The following LAMA2 variants were observed in gnomAD, a reference collection of about 807,000 sequenced individuals.
LAMA2 encodes the protein laminin subunit alpha-2.
A neutral mutation model predicts 364.8 loss-of-function variants in LAMA2; 269 were observed. That is an observed-to-expected ratio of 0.74 (90% confidence interval 0.67 to 0.82). The LOEUF is 0.82. Among genes scored for constraint, LAMA2 ranks in the 40% least tolerant of loss-of-function variants. LAMA2 has a pLI of 0.00. For missense variants in LAMA2, 3,807 were observed against 3,873.2 expected, an observed-to-expected ratio of 0.98 and a Z score of 0.45; for synonymous variants, 1,379 against 1,370.6, an observed-to-expected ratio of 1.01 and a Z score of -0.14.
chr6:129,314,950 C>A, intron 24 of LAMA2, 152 bp downstream of exon 24: 1 of 760,706 alleles, frequency 1.3e-6, no homozygotes, highest in East Asian at 2.6e-5. Flanking sequence ...GGTCACGTGC[C>A]ATTAGAGAGT....
chr6:129,285,522 C>T (rs933965715), intron 18 of LAMA2, among the ~76,000 whole-genome samples: 9 of 152,076 alleles, frequency 5.9e-5, no homozygotes, highest in Non-Finnish European at 1.3e-4. Flanking sequence ...TTATATAAAG[C>T]TATCTCTCCA....
At position 129,098,205 on chromosome 6, in the gene LAMA2, A is replaced by G. The variant is rs766584334; in HGVS notation, c.429A>G (p.Ala143=). ...AGATCGCGTATGTGATTGTGAAGGC[A>G]GCTAACTCCCCCCGGCCTGGAAACT... ...VFQIAYVIVK[A]ANSPRPGNWI... The change falls in exon 4 of 65, where the codon GCA becomes GCG. Residue 143 remains alanine, a synonymous_variant. Coordinates refer to ENST00000421865, the MANE Select transcript of LAMA2 (RefSeq NM_000426.4). The G allele has an allele frequency of 6.2e-6, 10 of 1,614,130 alleles. No individual in the cohort carries two copies. The highest frequency in any genetic ancestry group is 8.5e-6 in the Non-Finnish European group (10 of 1,179,996).
chr6:129,402,629 A>G, intron 39 of LAMA2, 142 bp downstream of exon 39: 1 of 830,386 alleles, frequency 1.2e-6, no homozygotes, highest in Non-Finnish European at 2.0e-6. Flanking sequence ...TTCTGTGGAT[A>G]GGCTTAATTA....
chr6:129,510,310 C>A (rs1428258566), intron 62 of LAMA2, among the ~76,000 whole-genome samples: 1 of 152,132 alleles, frequency 6.6e-6, no homozygotes, highest in Non-Finnish European at 1.5e-5. Flanking sequence ...TTTCTATATG[C>A]CAACAGCAAA....
At chr6:129,495,455 G>A (rs1365894360) in intron 58 of LAMA2, among the ~76,000 whole-genome samples, 1 of 152,146 alleles carries the variant, frequency 6.6e-6, no homozygotes, top group Non-Finnish European at 1.5e-5. Context: ...GGGACAGTGT[G>A]ACCCCTCCCT....
intron 10 of LAMA2, among the ~76,000 whole-genome samples, chr6:129,180,952 G>C (rs1780889670): frequency 6.6e-6 from 1 of 152,020 alleles, no homozygotes; most frequent in Admixed American, 6.6e-5. Flanking sequence ...AATTGCAGCT[G>C]AACTCCCTGA....
intron 1 of LAMA2, among the ~76,000 whole-genome samples, chr6:128,939,201 T>G (rs1780013495): frequency 6.6e-6 from 1 of 152,186 alleles, no homozygotes; most frequent in South Asian, 2.1e-4. Flanking sequence ...TCAACAAAAT[T>G]GTTGCCTTTT....
At chr6:129,149,497 G>C (rs1012721075) in intron 7 of LAMA2, among the ~76,000 whole-genome samples, 1 of 152,058 alleles carries the variant, frequency 6.6e-6, no homozygotes, top group Non-Finnish European at 1.5e-5. Context: ...AGCTCACTAA[G>C]TATATATGGC....
Position 129,109,563 on chromosome 6 carries a change from A to G in LAMA2, c.639+11148A>G, listed in dbSNP as rs75075177. The stretch of plus-strand genomic sequence containing the variant: ...AAACCAATAAAATTATATTTTTGGA[A>G]CATAGTTAACCACTTTGTGCACATA... On this transcript the variant is annotated intron_variant, in intron 4 of 64. Coordinates refer to ENST00000421865, the MANE Select transcript of LAMA2 (RefSeq NM_000426.4). 8.8e-3 allele frequency among the ~76,000 whole-genome samples: 1,332 copies of G among 152,032 alleles called. 9 individuals carry two copies. Among genetic ancestry groups the G allele is most frequent in the Non-Finnish European group, 0.014 (950 of 67,952 alleles).
intron 3 of LAMA2, among the ~76,000 whole-genome samples, chr6:129,079,040 A>C (rs150526645): frequency 6.6e-6 from 1 of 152,206 alleles, no homozygotes; most frequent in Non-Finnish European, 1.5e-5. Context: ...ACACGTACAT[A>C]TATGGCACAT....
intron 3 of LAMA2, among the ~76,000 whole-genome samples, chr6:129,084,219 A>C (rs931087799): frequency 2.0e-5 from 3 of 152,184 alleles, no homozygotes; most frequent in Admixed American, 2.0e-4. Flanking sequence ...TGCAGGCACA[A>C]CTGTCCTTCC....
At chr6:129,440,178 C>T (rs1009416089) in intron 42 of LAMA2, among the ~76,000 whole-genome samples, 1 of 151,944 alleles carries the variant, frequency 6.6e-6, no homozygotes, top group Admixed American at 6.6e-5. Flanking sequence ...CACTAGTAGT[C>T]ATCTATAGGT....
chr6:129,296,898 CT>C (rs1403686406), intron 20 of LAMA2, among the ~76,000 whole-genome samples: 1 of 152,014 alleles, frequency 6.6e-6, no homozygotes, highest in Non-Finnish European at 1.5e-5. Flanking sequence ...CATTTTAAGC[CT>C]GATAACATGC....
At chr6:129,457,220 T>C (rs1783014278) in intron 48 of LAMA2, among the ~76,000 whole-genome samples, 1 of 152,118 alleles carries the variant, frequency 6.6e-6, no homozygotes, top group African/African-American at 2.4e-5. Flanking sequence ...AACCTTCATA[T>C]AGAATGAGGT....
chr6:129,491,908 A>G lies in LAMA2; in HGVS notation c.7906A>G (p.Thr2636Ala), dbSNP rs2244008. ...TTTTTAATATTTTATCAGCATCTTT[A>G]CAGTTCAAGTGGATGAAAACAGAAG... ...VHVERTRGIFTVQVDENRRYM... is the reference protein window; with the variant it reads ...VHVERTRGIFAVQVDENRRYM... The change falls in exon 57 of 65, where the codon ACA becomes GCA. Residue 2636 changes from threonine to alanine, a missense_variant. Around this residue, in one of 3 missense-constraint regions of LAMA2, gnomAD observed 3,333 missense variants for 3,345.7 expected, o/e 1.00. Transcript: ENST00000421865. 115,904 of 1,605,722 alleles carry G rather than the reference A, an allele frequency of 0.072. 4,812 individuals are homozygous for G. Among genetic ancestry groups the G allele is most frequent in the East Asian group, 0.16 (7,281 of 44,754 alleles).
At chr6:129,446,153 C>T (rs2114775531) in intron 45 of LAMA2, among the ~76,000 whole-genome samples, 1 of 151,608 alleles carries the variant, frequency 6.6e-6, no homozygotes, top group East Asian at 2.0e-4. Context: ...GATGAGAGTA[C>T]CTTCCTCTTG....
chr6:129,332,222 T>C (rs1238487572), intron 29 of LAMA2, among the ~76,000 whole-genome samples: 1 of 152,230 alleles, frequency 6.6e-6, no homozygotes, highest in Non-Finnish European at 1.5e-5. Flanking sequence ...TCTGCAGATA[T>C]GTATTACCAC....
At chr6:129,205,495 C>T (rs35861299) in intron 12 of LAMA2, among the ~76,000 whole-genome samples, 10,250 of 65,170 alleles carry the variant, frequency 0.16, 511 homozygotes, top group African/African-American at 0.3. Flanking sequence ...TATATATATA[C>T]ACACACACAC....
At chr6:129,223,741 T>C (rs1415324705) in intron 12 of LAMA2, among the ~76,000 whole-genome samples, 1 of 152,240 alleles carries the variant, frequency 6.6e-6, no homozygotes, top group African/African-American at 2.4e-5. Context: ...TTTTGGTTAC[T>C]GTAGCCTTGT....
Sources: allele counts gnomAD v4.1 joint callset (sites outside exome capture counted in the v4.1 genomes callset), GRCh38; gene constraint gnomAD v4.1.1; regional missense constraint gnomAD v4.1.1; transcripts MANE v1.5; gene names NCBI Gene and HGNC (gene_info 2026-07-23, HGNC 2026-07-21).